Variants in SDHAF3 observed in about 807,000 individuals in gnomAD.
SDHAF3 encodes succinate dehydrogenase assembly factor 3, mitochondrial.
A neutral mutation model predicts 11.5 loss-of-function variants in SDHAF3; 18 were observed. The observed-to-expected ratio is 1.56, with a 90% CI of 1.08 to 2.32. The LOEUF (loss-of-function observed/expected upper bound fraction) is 2.32. Ranked by LOEUF, SDHAF3 falls within the 30% of genes most tolerant of loss-of-function variation. The pLI is 0.00. For synonymous variants in SDHAF3, 72 were observed against 59.3 expected (o/e 1.21, Z -0.99); for missense variants, 200 against 154.4 (o/e 1.30, Z -1.57).
intron 1 of SDHAF3, among the ~76,000 whole-genome samples, chr7:97,143,999 T>A (rs894343973): frequency 3.9e-5 from 6 of 152,146 alleles, no homozygotes; most frequent in Non-Finnish European, 8.8e-5. Context: ...CAACATCTAT[T>A]ATTTTTTTAT....
intron 1 of SDHAF3, among the ~76,000 whole-genome samples, chr7:97,157,335 G>C (rs938225196): frequency 6.6e-6 from 1 of 152,132 alleles, no homozygotes; most frequent in African/African-American, 2.4e-5. Flanking sequence ...AAACAAGGTG[G>C]GTTGTATATT....
At chr7:97,127,904 T>TG (rs1359678231) in intron 1 of SDHAF3, among the ~76,000 whole-genome samples, 2 of 145,826 alleles carry the variant, frequency 1.4e-5, no homozygotes, top group African/African-American at 5.1e-5. Context: ...CAAGTTTTTT[T>TG]TTTTTTTTTT....
At chr7:97,137,363 CT>C (rs1294401960) in intron 1 of SDHAF3, among the ~76,000 whole-genome samples, 2 of 152,096 alleles carry the variant, frequency 1.3e-5, no homozygotes, top group East Asian at 3.9e-4. Flanking sequence ...TGTCCATGAC[CT>C]TAACAAGTTG....
At chr7:97,118,076 A>G (rs1381371817) in intron 1 of SDHAF3, among the ~76,000 whole-genome samples, 179 bp downstream of exon 1, 2 of 152,110 alleles carry the variant, frequency 1.3e-5, no homozygotes, top group African/African-American at 4.8e-5. Context: ...ACTAGAGCAG[A>G]TCCTGTTACT....
chr7:97,173,042 A>G (rs1009195162), intron 1 of SDHAF3, among the ~76,000 whole-genome samples: 1 of 152,158 alleles, frequency 6.6e-6, no homozygotes, highest in Non-Finnish European at 1.5e-5. Flanking sequence ...CACATAACCT[A>G]GATACTTTGC....
chr7:97,117,877 C>T lies in SDHAF3; in HGVS notation c.154C>T (p.Arg52Cys). The T allele has an allele frequency of 1.2e-6, 2 of 1,614,116 alleles. No individual in the cohort carries two copies. The highest frequency in any genetic ancestry group is 1.7e-6 in the Non-Finnish European group (2 of 1,179,966). Residue 52 changes from arginine (R) to cysteine (C), a missense_variant, in exon 1 of 2, where the codon CGT becomes TGT. Coordinates refer to ENST00000432641, the MANE Select transcript of SDHAF3 (RefSeq NM_020186.3). ...GACCGTTGGTTCTGACGAGGCACAG[C>T]GTTTCTTGCAAGAATGGGAGGCAAG... ...HKTVGSDEAQRFLQEWEVYAT... is the reference protein window; with the variant it reads ...HKTVGSDEAQCFLQEWEVYAT...
chr7:97,122,147 C>T (rs183029767), intron 1 of SDHAF3, among the ~76,000 whole-genome samples: 99 of 152,232 alleles, frequency 6.5e-4, no homozygotes, highest in African/African-American at 2.0e-3. Context: ...TGAGCCACCG[C>T]GCCCGGCCGA....
At chr7:97,135,878 G>T (rs951341647) in intron 1 of SDHAF3, among the ~76,000 whole-genome samples, 1 of 150,902 alleles carries the variant, frequency 6.6e-6, no homozygotes, top group African/African-American at 2.4e-5. Context: ...TAGTAGAGAC[G>T]GGGTTTCACC....
intron 1 of SDHAF3, among the ~76,000 whole-genome samples, chr7:97,145,754 T>A (rs1430961177): frequency 6.6e-6 from 1 of 152,190 alleles, no homozygotes; most frequent in Non-Finnish European, 1.5e-5. Flanking sequence ...TCTCTTAAAT[T>A]TTCTTTGTCT....
intron 1 of SDHAF3, among the ~76,000 whole-genome samples, chr7:97,178,122 A>G (rs1034687944): frequency 2.6e-5 from 4 of 152,084 alleles, no homozygotes; most frequent in African/African-American, 9.7e-5. Context: ...GAATTTTCCT[A>G]TTCTAGATAT....
intron 1 of SDHAF3, among the ~76,000 whole-genome samples, chr7:97,153,604 T>C (rs1789258168): frequency 6.6e-6 from 1 of 152,226 alleles, no homozygotes; most frequent in Non-Finnish European, 1.5e-5. Context: ...AGAGTATGTT[T>C]AGTTTTGTTA....
intron 1 of SDHAF3, among the ~76,000 whole-genome samples, chr7:97,174,405 T>C (rs1445117072): frequency 6.6e-6 from 1 of 152,204 alleles, no homozygotes; most frequent in Non-Finnish European, 1.5e-5. Context: ...TTATAGAAAC[T>C]AAGAAGCTAA....
intron 1 of SDHAF3, among the ~76,000 whole-genome samples, chr7:97,121,854 G>GTTTTTTTTTTTTT (rs56186976): frequency 5.0e-4 from 65 of 129,904 alleles, no homozygotes; most frequent in Middle Eastern, 4.0e-3. Context: ...TTTTTTTTTT[G>GTTTTTTTTTTTTT]TTTTTTTTTT....
At chr7:97,171,396 A>C (rs1789599966) in intron 1 of SDHAF3, among the ~76,000 whole-genome samples, 1 of 152,184 alleles carries the variant, frequency 6.6e-6, no homozygotes, top group African/African-American at 2.4e-5. Flanking sequence ...AGTTGTGAGA[A>C]TAGTAGCACA....
chr7:97,124,740 T>C (rs756085180), intron 1 of SDHAF3, among the ~76,000 whole-genome samples: 2 of 152,212 alleles, frequency 1.3e-5, no homozygotes, highest in Non-Finnish European at 2.9e-5. Flanking sequence ...TTCTAGGTAT[T>C]TTATTTTCTT....
chr7:97,139,535 A>G (rs1423689890), intron 1 of SDHAF3, among the ~76,000 whole-genome samples: 1 of 152,218 alleles, frequency 6.6e-6, no homozygotes, highest in African/African-American at 2.4e-5. Context: ...AGCACCAGAC[A>G]GGAAGAGAGG....
Position 97,117,814 on chromosome 7 carries a change from G to C in SDHAF3, c.91G>C (p.Gly31Arg), listed in dbSNP as rs754408322. The C allele has an allele frequency of 1.2e-6, 2 of 1,614,030 alleles. No homozygotes were observed. Among genetic ancestry groups the C allele is most frequent in the Admixed American group, 3.3e-5 (2 of 59,998 alleles). The part of the protein sequence containing the change: ...RVLPPDLKSL[G>R]DQYVKDEFRR... ...TCTGCCCCCGGACCTCAAATCCCTG[G>C]GCGACCAGTACGTGAAAGACGAATT... Residue 31 changes from glycine (G) to arginine (R), a missense_variant, in exon 1 of 2, where the codon GGC becomes CGC. By Grantham distance (125) the Gly-to-Arg change is moderately radical. Coordinates refer to ENST00000432641, the MANE Select transcript of SDHAF3 (RefSeq NM_020186.3).
chr7:97,136,523 C>G, intron 1 of SDHAF3: 2 of 583,366 alleles, frequency 3.4e-6, no homozygotes, highest in Non-Finnish European at 6.2e-6. Flanking sequence ...AAAATGCTAT[C>G]AAAATATTCT....
At chr7:97,134,287 C>T (rs1323962363) in intron 1 of SDHAF3, among the ~76,000 whole-genome samples, 1 of 152,144 alleles carries the variant, frequency 6.6e-6, no homozygotes, top group Non-Finnish European at 1.5e-5. Flanking sequence ...AATCATGGGC[C>T]TCAAGAGTTT....
Sources: allele counts gnomAD v4.1 joint callset (sites outside exome capture counted in the v4.1 genomes callset), GRCh38; gene constraint gnomAD v4.1.1; transcripts MANE v1.5; gene names NCBI Gene and HGNC (gene_info 2026-07-23, HGNC 2026-07-21).